FAM227B: variants seen among roughly 807,000 people sequenced by gnomAD.
The protein encoded by FAM227B is protein FAM227B.
A neutral mutation model predicts 73.8 loss-of-function variants in FAM227B; 88 were observed. That is an observed-to-expected ratio of 1.19 (90% CI 1.00 to 1.42). The LOEUF is 1.42. FAM227B is among the 40% of genes most tolerant of loss of function. The pLI, the probability that FAM227B is intolerant of heterozygous loss-of-function variation, is 0.00. For synonymous variants in FAM227B, 210 were observed against 190.5 expected (o/e 1.10, Z -0.84); for missense variants, 632 against 590.9 (o/e 1.07, Z -0.72).
chr15:49,394,159 T>C (rs1163069331), intron 11 of FAM227B, among the ~76,000 whole-genome samples: 3 of 152,110 alleles, frequency 2.0e-5, no homozygotes, highest in Admixed American at 2.0e-4. Flanking sequence ...TGATTTGACT[T>C]TGAAGCTTTC....
intron 7 of FAM227B, 173 bp downstream of exon 7, chr15:49,576,568 T>C: frequency 1.8e-6 from 1 of 556,706 alleles, no homozygotes; most frequent in African/African-American, 1.9e-5. Context: ...GTTTAATATA[T>C]TCTTTTCTGG....
chr15:49,594,929 AT>A (rs2076804555), intron 3 of FAM227B, among the ~76,000 whole-genome samples: 1 of 152,042 alleles, frequency 6.6e-6, no homozygotes, highest in Non-Finnish European at 1.5e-5. Flanking sequence ...TTACATATAA[AT>A]TTTAGGACTG....
intron 11 of FAM227B, among the ~76,000 whole-genome samples, chr15:49,428,747 ACTC>A (rs2050340651): frequency 6.6e-6 from 1 of 151,850 alleles, no homozygotes; most frequent in South Asian, 2.1e-4. Context: ...AATATCATCT[ACTC>A]CTTTTAAGAA....
intron 11 of FAM227B, among the ~76,000 whole-genome samples, chr15:49,474,054 C>A (rs28393768): frequency 0.18 from 28,005 of 151,920 alleles, 3,180 homozygotes; most frequent in Non-Finnish European, 0.25. Context: ...TTTTGATAGG[C>A]GAACTTTTTA....
At chr15:49,608,121 A>C (rs1450054458) in intron 3 of FAM227B, among the ~76,000 whole-genome samples, 2 of 152,226 alleles carry the variant, frequency 1.3e-5, no homozygotes, top group Non-Finnish European at 2.9e-5. Context: ...TTAAAAGTAA[A>C]TAAATGTATT....
intron 11 of FAM227B, among the ~76,000 whole-genome samples, chr15:49,390,150 T>G (rs964463219): frequency 6.6e-6 from 1 of 152,036 alleles, no homozygotes; most frequent in Non-Finnish European, 1.5e-5. Flanking sequence ...ATGAAATGTG[T>G]CTTTTCCGAG....
At chr15:49,557,357 G>A (rs2152326168) in intron 9 of FAM227B, among the ~76,000 whole-genome samples, 1 of 152,104 alleles carries the variant, frequency 6.6e-6, no homozygotes, top group Admixed American at 6.5e-5. Context: ...AATGTTTTGG[G>A]AAAAAAACTT....
rs867198746 is a variant in FAM227B, at chr15:49,356,069, T to C, written c.1271+11379A>G. 2.1e-3 allele frequency among the ~76,000 whole-genome samples: 310 copies of C among 145,056 alleles called. No individual in the cohort carries two copies. The Middle Eastern group carries it at 0.025, about 12-fold the overall frequency. ...AGATTTTCTCACCAACAGGCCTGCC[T>C]TACAAGAGCTCCTGAAGGAAGCACT... On this transcript the variant is annotated intron_variant, in intron 13 of 15. Coordinates refer to ENST00000299338, the MANE Select transcript of FAM227B (RefSeq NM_152647.3).
intron 11 of FAM227B, among the ~76,000 whole-genome samples, chr15:49,380,951 A>G (rs1241277184): frequency 6.6e-6 from 1 of 152,200 alleles, no homozygotes; most frequent in Admixed American, 6.5e-5. Context: ...GGGATGTACA[A>G]GAAACATAGT....
At chr15:49,525,716 AT>A (rs1244680486) in intron 10 of FAM227B, among the ~76,000 whole-genome samples, 1 of 89,104 alleles carries the variant, frequency 1.1e-5, no homozygotes, top group Non-Finnish European at 2.4e-5. Flanking sequence ...ATATATATAT[AT>A]ATCACAAACA....
At chr15:49,395,965 T>C (rs2047560002) in intron 11 of FAM227B, 1 of 455,888 alleles carries the variant, frequency 2.2e-6, no homozygotes, top group Non-Finnish European at 4.4e-6. Flanking sequence ...AAAATGTGGG[T>C]TAATCTTACC....
At chr15:49,447,653 T>C (rs572938887) in intron 11 of FAM227B, among the ~76,000 whole-genome samples, 7 of 151,830 alleles carry the variant, frequency 4.6e-5, no homozygotes, top group African/African-American at 1.7e-4. Flanking sequence ...TTCAAAGCTA[T>C]CTCCTTCATT....
chr15:49,502,513 G>A lies in FAM227B; in HGVS notation c.1012+5698C>T, dbSNP rs372320975. 2.8e-3 allele frequency among the ~76,000 whole-genome samples: 433 copies of A among 152,306 alleles called. 6 individuals are homozygous for A. Among genetic ancestry groups the A allele is most frequent in the South Asian group, 0.027 (128 of 4,828 alleles). The stretch of plus-strand genomic sequence containing the variant: ...GGCCTTCAGTTCTTTTCTTTTGGCC[G>A]ATTTCTCCCTTTTGGAATGGCAATG... On this transcript the variant is annotated intron_variant, in intron 11 of 15. Transcript: ENST00000299338.
intron 13 of FAM227B, among the ~76,000 whole-genome samples, chr15:49,342,325 T>C (rs2040857546): frequency 6.6e-6 from 1 of 152,208 alleles, no homozygotes; most frequent in Non-Finnish European, 1.5e-5. Context: ...AAAGTCTGTT[T>C]TATCTGGTAT....
chr15:49,526,822 T>C (rs2152207380), intron 10 of FAM227B, among the ~76,000 whole-genome samples: 1 of 152,080 alleles, frequency 6.6e-6, no homozygotes, highest in East Asian at 1.9e-4. Context: ...TTGTGGAATA[T>C]ACAACCTCCC....
At chr15:49,442,204 A>G (rs1437253108) in intron 11 of FAM227B, among the ~76,000 whole-genome samples, 1 of 151,556 alleles carries the variant, frequency 6.6e-6, no homozygotes, top group East Asian at 2.0e-4. Flanking sequence ...GAAAGATTCT[A>G]TTCTAGCCAG....
chr15:49,581,643 A>T (rs1308108186), intron 5 of FAM227B, among the ~76,000 whole-genome samples: 1 of 152,196 alleles, frequency 6.6e-6, no homozygotes, highest in Non-Finnish European at 1.5e-5. Flanking sequence ...AAGAAAAGAA[A>T]TTCCAACTAA....
intron 11 of FAM227B, chr15:49,486,811 T>C (rs370478883): frequency 1.3e-5 from 2 of 152,050 alleles, no homozygotes; most frequent in South Asian, 4.2e-4. Flanking sequence ...TTTTTAAATT[T>C]ATTATGCAAA....
chr15:49,455,426 C>G (rs75839276), intron 11 of FAM227B, among the ~76,000 whole-genome samples: 3,365 of 152,132 alleles, frequency 0.022, 96 homozygotes, highest in South Asian at 0.079. Context: ...ATTTTTCAAA[C>G]AAATTGTATG....
Sources: gnomAD v4.1 joint callset for allele counts (sites outside exome capture counted in the v4.1 genomes callset) on GRCh38, gnomAD v4.1.1 for gene constraint, MANE v1.5 for transcripts, NCBI Gene and HGNC (gene_info 2026-07-23, HGNC 2026-07-21) for gene names.